The following FAM193A variants were observed in gnomAD, a reference collection of about 807,000 sequenced individuals.
FAM193A encodes family with sequence similarity 193 member A, also known as protein FAM193A.
Under a neutral mutation model 126.5 loss-of-function variants are expected in FAM193A, and 22 were observed. The observed-to-expected ratio is 0.17, with a 90% CI of 0.12 to 0.25. The LOEUF (loss-of-function observed/expected upper bound fraction) is 0.25. Among genes scored for constraint, FAM193A ranks in the 10% least tolerant of loss-of-function variants. The pLI, the probability that FAM193A is intolerant of heterozygous loss-of-function variation, is 1.00. For missense variants in FAM193A, 1,675 were observed against 1,672.8 expected (o/e 1.00, Z -0.02); for synonymous variants, 761 against 646.8 (o/e 1.18, Z -2.68).
intron 12 of FAM193A, among the ~76,000 whole-genome samples, chr4:2,670,937 C>T (rs560763452): frequency 2.6e-5 from 4 of 152,238 alleles, no homozygotes; most frequent in African/African-American, 7.2e-5. Context: ...CCTGTATCTC[C>T]CACATTATGT....
intron 17 of FAM193A, among the ~76,000 whole-genome samples, chr4:2,695,493 A>C (rs1050638582): frequency 3.9e-5 from 6 of 152,214 alleles, no homozygotes; most frequent in Admixed American, 6.5e-5. Flanking sequence ...GTTGGTACAC[A>C]CACATACTTG....
At chr4:2,707,587 T>C (rs978699027) in intron 19 of FAM193A, among the ~76,000 whole-genome samples, 4 of 152,118 alleles carry the variant, frequency 2.6e-5, no homozygotes, top group African/African-American at 9.7e-5. Flanking sequence ...TCATAATATT[T>C]TGGATATATT....
At chr4:2,666,389 A>G (rs1713119683) in intron 12 of FAM193A, among the ~76,000 whole-genome samples, 1 of 152,020 alleles carries the variant, frequency 6.6e-6, no homozygotes, top group Non-Finnish European at 1.5e-5. Flanking sequence ...AATCCTTTTC[A>G]TGTGTTCCTG....
intron 7 of FAM193A, among the ~76,000 whole-genome samples, chr4:2,647,181 T>C (rs188964692): frequency 6.6e-6 from 1 of 151,946 alleles, no homozygotes; most frequent in Non-Finnish European, 1.5e-5. Context: ...GTTTTGCTCT[T>C]GTTGCCCAGG....
chr4:2,553,079 C>T (rs1191654506), intron 1 of FAM193A, among the ~76,000 whole-genome samples: 2 of 152,020 alleles, frequency 1.3e-5, no homozygotes, highest in African/African-American at 2.4e-5. Flanking sequence ...AACTCCTGAT[C>T]TCAAGTGATC....
At chr4:2,623,154 G>A (rs1350125215) in intron 2 of FAM193A, among the ~76,000 whole-genome samples, 2 of 152,040 alleles carry the variant, frequency 1.3e-5, no homozygotes, top group African/African-American at 2.4e-5. Context: ...TGTGCTGGCG[G>A]CAGCTGAGCT....
intron 1 of FAM193A, among the ~76,000 whole-genome samples, chr4:2,563,162 C>G (rs1298936729): frequency 3.3e-5 from 5 of 152,008 alleles, no homozygotes; most frequent in Non-Finnish European, 4.4e-5. Context: ...CCAGGCTGGT[C>G]TTGAACTCCT....
At chr4:2,686,996 A>G (rs1476293735) in intron 13 of FAM193A, among the ~76,000 whole-genome samples, 1 of 152,002 alleles carries the variant, frequency 6.6e-6, no homozygotes, top group Non-Finnish European at 1.5e-5. Flanking sequence ...CAAAACAATG[A>G]CTTCAGGCCC....
chr4:2,645,182 C>T (rs558989751), intron 6 of FAM193A, among the ~76,000 whole-genome samples: 2 of 152,254 alleles, frequency 1.3e-5, no homozygotes, highest in East Asian at 1.9e-4. Context: ...AGTGCTGATC[C>T]TTAACCTTGC....
At chr4:2,666,986 GTTTTGC>G (rs1163876239) in intron 12 of FAM193A, among the ~76,000 whole-genome samples, 1 of 152,070 alleles carries the variant, frequency 6.6e-6, no homozygotes, top group Non-Finnish European at 1.5e-5. Flanking sequence ...TGTTCTTTGG[GTTTTGC>G]TTGCTCTTCC....
At chr4:2,560,228 C>A (rs983106474) in intron 1 of FAM193A, among the ~76,000 whole-genome samples, 6 of 152,168 alleles carry the variant, frequency 3.9e-5, no homozygotes, top group African/African-American at 1.4e-4. Context: ...CAGGTGTGAG[C>A]CACCGCGCCT....
intron 1 of FAM193A, among the ~76,000 whole-genome samples, chr4:2,568,684 A>G (rs846099): frequency 0.98 from 149,886 of 152,248 alleles, 73,814 homozygotes; most frequent in Middle Eastern, 1. Flanking sequence ...TGACCAAAGT[A>G]TAAAGGGAAA....
chr4:2,619,326 G>T (rs1184345323), intron 2 of FAM193A, among the ~76,000 whole-genome samples: 2 of 151,718 alleles, frequency 1.3e-5, no homozygotes, highest in Non-Finnish European at 2.9e-5. Flanking sequence ...TTTTGAGACG[G>T]AGTCCTCAGT....
At chr4:2,616,916 C>A (rs1742222913) in intron 2 of FAM193A, among the ~76,000 whole-genome samples, 1 of 146,788 alleles carries the variant, frequency 6.8e-6, no homozygotes, top group African/African-American at 2.5e-5. Context: ...CGCCTGTAAC[C>A]CCAGCACTTT....
At chr4:2,554,575 G>A (rs746781573) in intron 1 of FAM193A, among the ~76,000 whole-genome samples, 27 of 152,132 alleles carry the variant, frequency 1.8e-4, no homozygotes, top group Non-Finnish European at 3.2e-4. Context: ...ATTAGATCCA[G>A]TTGGCTGATA....
At chr4:2,696,335 T>G (rs376451046) in intron 17 of FAM193A, 28 bp from the exon 18 acceptor site, 3 of 1,515,248 alleles carry the variant, frequency 2.0e-6, no homozygotes, top group Non-Finnish European at 9.0e-7. Flanking sequence ...TTTTTAAAAC[T>G]TAAGCATAAC....
intron 7 of FAM193A, among the ~76,000 whole-genome samples, chr4:2,655,843 A>G (rs933330300): frequency 6.6e-6 from 1 of 152,136 alleles, no homozygotes; most frequent in Non-Finnish European, 1.5e-5. Context: ...AGGTGGGAGG[A>G]TCATAGGCCC....
chr4:2,631,065 C>G lies in FAM193A; in HGVS notation c.934C>G (p.Leu312Val). 1.2e-6 allele frequency: 2 copies of G among 1,613,528 alleles called. No homozygotes were observed. Among genetic ancestry groups the G allele is most frequent in the Non-Finnish European group, 1.7e-6 (2 of 1,180,026 alleles). The change falls in exon 5 of 21, where the codon CTG (leucine) becomes GTG (valine). Residue 312 changes from leucine (L) to valine (V), a missense_variant. Leu to Val is a conservative substitution (Grantham distance 32, BLOSUM62 1). Around this residue, in one of 4 missense-constraint regions of FAM193A, gnomAD observed 1,186 missense variants for 1,109.2 expected, o/e 1.07. Coordinates refer to ENST00000637812, the MANE Select transcript of FAM193A (RefSeq NM_001366318.2). ...GGCCAAGGTGAAGGCACCATCTGGCCTGCAGGGCCCGCCGCAAGCGCACCA... is the reference window on the plus strand; with the variant it reads ...GGCCAAGGTGAAGGCACCATCTGGCGTGCAGGGCCCGCCGCAAGCGCACCA... The part of the protein sequence containing the change: ...AAAKVKAPSG[L>V]QGPPQAHQFI...
chr4:2,625,663 G>C (rs1006849797), intron 3 of FAM193A: 2 of 308,950 alleles, frequency 6.5e-6, no homozygotes, highest in African/African-American at 2.2e-5. Flanking sequence ...AGGAGCGATG[G>C]GGGAGAGCCT....
Sources: gnomAD v4.1 joint callset for allele counts (sites outside exome capture counted in the v4.1 genomes callset) on GRCh38, gnomAD v4.1.1 for gene constraint, gnomAD v4.1.1 regional missense constraint, MANE v1.5 for transcripts, NCBI Gene and HGNC (gene_info 2026-07-23, HGNC 2026-07-21) for gene names.